The following CC2D2B variants were observed in gnomAD, a reference collection of about 807,000 sequenced individuals.
CC2D2B encodes coiled-coil and C2 domain containing 2B, also known as protein CC2D2B.
CC2D2B carries 128 observed loss-of-function variants against 161.2 expected under a neutral mutation model. That is an observed-to-expected ratio of 0.79 (90% confidence interval 0.69 to 0.92). CC2D2B has a LOEUF of 0.92. Ranked by LOEUF, CC2D2B falls within the 40% of genes least tolerant of loss-of-function variation. The pLI is 0.00. For missense variants in CC2D2B, 1,173 were observed against 1,375.1 expected, an observed-to-expected ratio of 0.85 and a Z score of 2.32; for synonymous variants, 391 against 449.8, an observed-to-expected ratio of 0.87 and a Z score of 1.65.
chr10:95,999,110 A>G (rs1012966466), intron 24 of CC2D2B, among the ~76,000 whole-genome samples: 1 of 152,166 alleles, frequency 6.6e-6, no homozygotes, highest in Non-Finnish European at 1.5e-5. Flanking sequence ...AAACAAAAAA[A>G]CCTTCAGAGA....
Position 95,982,017 on chromosome 10 carries a change from A to T in CC2D2B, c.1986A>T (p.Pro662=), listed in dbSNP as rs1232409501. The T allele has an allele frequency of 8.1e-7, 1 of 1,230,514 alleles. No homozygotes were observed. The highest frequency in any genetic ancestry group is 3.2e-5 in the East Asian group (1 of 31,666). 76.2% of individuals were successfully genotyped at this position (1,230,514 alleles called of 1,614,324 possible). The change falls in exon 18 of 35, where the codon CCA becomes CCT. Residue 662 remains proline (P), a synonymous_variant. Coordinates refer to ENST00000646931, the MANE Select transcript of CC2D2B (RefSeq NM_001349008.3). ...NVDARSVPGI[P]WLMNEQKLFE... ...ATGCAAGAAGTGTTCCTGGAATTCCATGGCTCATGAATGAACAGAAGCTTT... is the reference window on the plus strand; with the variant it reads ...ATGCAAGAAGTGTTCCTGGAATTCCTTGGCTCATGAATGAACAGAAGCTTT...
At chr10:96,031,152 T>A (rs1188396369) in intron 34 of CC2D2B, among the ~76,000 whole-genome samples, 1 of 152,204 alleles carries the variant, frequency 6.6e-6, no homozygotes, top group Non-Finnish European at 1.5e-5. Context: ...ACAGGACAGA[T>A]ACAGTCTTGT....
intron 29 of CC2D2B, 36 bp downstream of exon 29, chr10:96,013,913 T>C: frequency 1.0e-6 from 1 of 1,001,948 alleles, no homozygotes; most frequent in Non-Finnish European, 1.4e-6. Flanking sequence ...AATTGAAATA[T>C]ATAGTATTTC....
At chr10:96,024,505 G>C (rs553056309) in intron 32 of CC2D2B, among the ~76,000 whole-genome samples, 1 of 152,200 alleles carries the variant, frequency 6.6e-6, no homozygotes, top group Admixed American at 6.5e-5. Context: ...ACAGAGAGGT[G>C]AAGACTTCAC....
At chr10:95,997,590 T>C (rs2078280185) in intron 24 of CC2D2B, among the ~76,000 whole-genome samples, 1 of 152,144 alleles carries the variant, frequency 6.6e-6, no homozygotes, top group Non-Finnish European at 1.5e-5. Flanking sequence ...GGTCTCACTA[T>C]GTTGCCCAGG....
At chr10:95,978,471 C>T (rs2077396455) in intron 17 of CC2D2B, among the ~76,000 whole-genome samples, 1 of 152,210 alleles carries the variant, frequency 6.6e-6, no homozygotes. Flanking sequence ...ACTCTCCTGC[C>T]TCAGCCTCCC....
chr10:95,924,539 A>G (rs1054026072), intron 4 of CC2D2B, 149 bp downstream of exon 4: 6 of 589,542 alleles, frequency 1.0e-5, no homozygotes, highest in Non-Finnish European at 1.5e-5. Context: ...CTATATATAT[A>G]TTTTCCTTTT....
In CC2D2B at chr10:96,004,203, CAT is replaced by C; in HGVS notation, c.2908_2909del (p.Ile970GlnfsTer4). The C allele has an allele frequency of 2.6e-6, 4 of 1,551,856 alleles. No homozygotes were observed. The highest frequency in any genetic ancestry group is 3.5e-6 in the Non-Finnish European group (4 of 1,149,178). On this transcript the variant is annotated frameshift_variant, in exon 25 of 35. Transcript: ENST00000646931. LOFTEE classifies it high-confidence loss of function. ...CAAGCTTATCTAAAATAAAAGATAA[CAT>C]ATATATCAACATTTTTGATGAAATG... ...FSSLSKIKDN[I>X]YINIFDEMMT...
chr10:96,033,514 A>G lies in CC2D2B; in HGVS notation c.*1506A>G, dbSNP rs1454375577. On this transcript the variant is annotated 3_prime_UTR_variant, in exon 35 of 35. Transcript: ENST00000646931. ...ACTTTGATTGATTTAGCACAAAATG[A>G]TGCTGATGGAAAGATGAGGATGCCA... Among the ~76,000 whole-genome samples, 1 of 152,230 alleles carries G rather than the reference A, an allele frequency of 6.6e-6. No individual in the cohort carries two copies. The highest frequency in any genetic ancestry group is 1.5e-5 in the Non-Finnish European group (1 of 68,042).
In CC2D2B at chr10:96,032,466, A is replaced by G. The variant is rs2080096661; in HGVS notation, c.*458A>G. The G allele has an allele frequency of 4.8e-6, 1 of 210,004 alleles. No homozygotes were observed. Among genetic ancestry groups the G allele is most frequent in the Admixed American group, 5.1e-5 (1 of 19,472 alleles). 13.0% of individuals were successfully genotyped at this position (210,004 alleles called of 1,614,324 possible). On this transcript the variant is annotated 3_prime_UTR_variant, in exon 35 of 35. Coordinates refer to ENST00000646931, the MANE Select transcript of CC2D2B (RefSeq NM_001349008.3). ...AGCTACAGACTCTGCATTATTTTCA[A>G]CAAGCTCCCCAGATAATTCTGATGC...
intron 17 of CC2D2B, among the ~76,000 whole-genome samples, chr10:95,975,197 A>G (rs1255455574): frequency 6.6e-6 from 1 of 152,234 alleles, no homozygotes; most frequent in Non-Finnish European, 1.5e-5. Context: ...AGTTTTGAAA[A>G]TTGTTATACA....
intron 16 of CC2D2B, among the ~76,000 whole-genome samples, 184 bp from the exon 17 acceptor site, chr10:95,973,825 T>A (rs1460811465): frequency 6.9e-6 from 1 of 144,820 alleles, no homozygotes; most frequent in African/African-American, 2.6e-5. Context: ...TGCCCCACTT[T>A]ACTCCAGCCT....
chr10:95,965,801 G>C (rs2076921325), intron 12 of CC2D2B, 95 bp from the exon 13 acceptor site: 1 of 387,748 alleles, frequency 2.6e-6, no homozygotes, highest in Admixed American at 4.5e-5. Flanking sequence ...GTGTGTGTGT[G>C]TGTGTGTGTG....
chr10:95,951,245 G>T (rs1227979753), intron 10 of CC2D2B, among the ~76,000 whole-genome samples: 1 of 152,012 alleles, frequency 6.6e-6, no homozygotes, highest in Non-Finnish European at 1.5e-5. Flanking sequence ...CTCAACCCAG[G>T]CTCAAGCTGT....
At chr10:95,992,920 A>G (rs1257898193) in intron 22 of CC2D2B, 2 of 331,678 alleles carry the variant, frequency 6.0e-6, no homozygotes, top group Non-Finnish European at 1.1e-5. Context: ...TAACATGTAT[A>G]TTTTGAGGGT....
chr10:96,025,363 C>CAA (rs35860002), intron 33 of CC2D2B, among the ~76,000 whole-genome samples: 690 of 52,284 alleles, frequency 0.013, 16 homozygotes, highest in Non-Finnish European at 0.021. Context: ...TGAGGCCTTG[C>CAA]AAAAAAAAAA....
At chr10:95,934,325 G>A (rs189201038) in intron 6 of CC2D2B, among the ~76,000 whole-genome samples, 13 of 152,238 alleles carry the variant, frequency 8.5e-5, no homozygotes, top group African/African-American at 2.9e-4. Context: ...CTCCGTCGGG[G>A]TGGGATCCAC....
chr10:95,927,686 T>TTTTC (rs921513252), intron 6 of CC2D2B, among the ~76,000 whole-genome samples: 9 of 151,732 alleles, frequency 5.9e-5, no homozygotes, highest in East Asian at 1.9e-4. Flanking sequence ...GTGTTTTCTT[T>TTTTC]TTTCTTTCTT....
In CC2D2B at chr10:95,950,947, G is replaced by A. The variant is rs188906697; in HGVS notation, c.1011+842G>A. Among the ~76,000 whole-genome samples the A allele has an allele frequency of 3.3e-5, 5 of 152,106 alleles. No homozygotes were observed. The East Asian group carries it at 9.7e-4, about 29-fold the overall frequency. On this transcript the variant is annotated intron_variant, in intron 10 of 34. Coordinates refer to ENST00000646931, the MANE Select transcript of CC2D2B (RefSeq NM_001349008.3). Reference sequence around the variant, plus strand: ...CGATTCTCTTGCCTCAGCTTCCTGAGTAGCTGGGACTACAGGTGCCCACCA... The same window carrying A: ...CGATTCTCTTGCCTCAGCTTCCTGAATAGCTGGGACTACAGGTGCCCACCA...
Sources: gnomAD v4.1 joint callset for allele counts (sites outside exome capture counted in the v4.1 genomes callset) on GRCh38, gnomAD v4.1.1 for gene constraint, MANE v1.5 for transcripts, NCBI Gene and HGNC (gene_info 2026-07-23, HGNC 2026-07-21) for gene names.